AQP11: variants seen among roughly 807,000 people sequenced by gnomAD.
AQP11 encodes the protein aquaporin 11, also known as aquaporin-11.
In AQP11, 20 loss-of-function variants were observed where a neutral mutation model predicts 21.1. That is an observed-to-expected ratio of 0.95 (90% CI 0.67 to 1.38). AQP11 has a LOEUF of 1.38. Among genes scored for constraint, AQP11 ranks in the 40% most tolerant of loss-of-function variants. The probability of loss-of-function intolerance (pLI) is 0.00; values close to 1 mark genes in which losing one functional copy is unlikely to be tolerated. For synonymous variants in AQP11, 167 were observed against 150.1 expected, an observed-to-expected ratio of 1.11 and a Z score of -0.82; for missense variants, 339 against 340.4, an observed-to-expected ratio of 1.00 and a Z score of 0.03.
At chr11:77,592,162 G>C (rs1232953146) in intron 1 of AQP11, among the ~76,000 whole-genome samples, 1 of 152,102 alleles carries the variant, frequency 6.6e-6, no homozygotes, top group Non-Finnish European at 1.5e-5. Context: ...AACTACTTGG[G>C]AGGCTAAGGT....
intron 2 of AQP11, among the ~76,000 whole-genome samples, chr11:77,604,588 T>G (rs764430650): frequency 2.0e-5 from 3 of 152,166 alleles, no homozygotes; most frequent in Non-Finnish European, 4.4e-5. Context: ...TATTGTTCCT[T>G]GTTAGTCATT....
intron 1 of AQP11, among the ~76,000 whole-genome samples, chr11:77,596,702 A>G (rs1385565696): frequency 2.0e-5 from 3 of 151,242 alleles, no homozygotes; most frequent in South Asian, 2.1e-4. Flanking sequence ...CTACAAAAAA[A>G]TTTTAAAATT....
chr11:77,596,718 G>A (rs1958785759), intron 1 of AQP11, among the ~76,000 whole-genome samples: 1 of 151,122 alleles, frequency 6.6e-6, no homozygotes. Context: ...AAATTAGCCA[G>A]GTATGGTGGT....
chr11:77,600,212 A>G (rs558041316), intron 1 of AQP11, among the ~76,000 whole-genome samples: 26 of 149,286 alleles, frequency 1.7e-4, no homozygotes, highest in Non-Finnish European at 2.7e-4. Flanking sequence ...CAGGCGATAC[A>G]CCCACCTCGC....
intron 1 of AQP11, among the ~76,000 whole-genome samples, chr11:77,594,500 A>G (rs534844988): frequency 1.2e-4 from 18 of 152,356 alleles, no homozygotes; most frequent in Admixed American, 9.8e-4. Context: ...GCTATAAGTC[A>G]TAACTTTGGA....
chr11:77,590,583 T>G lies in AQP11; in HGVS notation c.591T>G (p.Ala197=). Residue 197 remains alanine, a synonymous_variant, in exon 1 of 3, where the codon GCT becomes GCG. Transcript: ENST00000313578. The stretch of plus-strand genomic sequence containing the variant: ...CCAAGCTTCGTATCCACCTGCTGGC[T>G]GCACTCATCACCTTTTTGGTCTATG... The part of the protein sequence containing the change: ...VRTKLRIHLL[A]ALITFLVYAG... 1 of 1,614,118 alleles carries G rather than the reference T, an allele frequency of 6.2e-7. No homozygotes were observed. Among genetic ancestry groups the G allele is most frequent in the Non-Finnish European group, 8.5e-7 (1 of 1,179,992 alleles).
In AQP11 at chr11:77,609,448, T is replaced by A. The variant is rs906420620; in HGVS notation, c.*71T>A. 1 of 1,241,744 alleles carries A rather than the reference T, an allele frequency of 8.1e-7. No homozygotes were observed. The highest frequency in any genetic ancestry group is 1.5e-5 in the African/African-American group (1 of 66,388). 76.9% of individuals were successfully genotyped at this position (1,241,744 alleles called of 1,614,324 possible). ...GTGATAAAGATTTTATCACCTCATA[T>A]GGAAAACACCGGCTGCACTGGATTC... On this transcript the variant is annotated 3_prime_UTR_variant, in exon 3 of 3. Transcript: ENST00000313578.
At chr11:77,595,587 G>A (rs918734167) in intron 1 of AQP11, among the ~76,000 whole-genome samples, 1 of 152,230 alleles carries the variant, frequency 6.6e-6, no homozygotes, top group East Asian at 1.9e-4. Flanking sequence ...ATAAGTGAAC[G>A]AACTAGCAAA....
chr11:77,600,740 C>T (rs962646332), intron 1 of AQP11, among the ~76,000 whole-genome samples: 7 of 152,160 alleles, frequency 4.6e-5, no homozygotes, highest in Non-Finnish European at 7.4e-5. Context: ...GGGCCGGGTG[C>T]GGTGGCTCAC....
In AQP11 at chr11:77,589,970, C is replaced by A; in HGVS notation, c.-23C>A. On this transcript the variant is annotated 5_prime_UTR_variant, in exon 1 of 3. Coordinates refer to ENST00000313578, the MANE Select transcript of AQP11 (RefSeq NM_173039.3). ...TCCTACCCAGAGCCGGAGCCCGCAA[C>A]CCGCTCAGGCGGCGACGGAGCCATG... 2.8e-6 allele frequency: 4 copies of A among 1,454,228 alleles called. No individual in the cohort carries two copies. Among genetic ancestry groups the A allele is most frequent in the Non-Finnish European group, 3.6e-6 (4 of 1,110,928 alleles). 90.1% of individuals were successfully genotyped at this position (1,454,228 alleles called of 1,614,324 possible).
intron 1 of AQP11, among the ~76,000 whole-genome samples, chr11:77,602,992 T>C (rs1389237787): frequency 6.6e-6 from 1 of 152,206 alleles, no homozygotes; most frequent in Non-Finnish European, 1.5e-5. Context: ...GGTGCAGAGC[T>C]GGAACACAAA....
chr11:77,591,153 T>G, intron 1 of AQP11: 1 of 959,238 alleles, frequency 1.0e-6, no homozygotes, highest in Non-Finnish European at 1.2e-6. Context: ...ATTTCTTATT[T>G]CCTTAATAAT....
At chr11:77,596,732 C>G (rs913027845) in intron 1 of AQP11, among the ~76,000 whole-genome samples, 1 of 151,034 alleles carries the variant, frequency 6.6e-6, no homozygotes, top group Non-Finnish European at 1.5e-5. Flanking sequence ...TGGTGGTGCA[C>G]GCCTGTAGTC....
rs1958827178 is a variant in AQP11 at position 77,603,549 on chromosome 11, G to T, written c.620-7G>T. ...TTTGAAATCACTCTGCTTAAAATCTGTTACAGGAGGAAGTCTAACAGGAGC... is the reference window on the plus strand; with the variant it reads ...TTTGAAATCACTCTGCTTAAAATCTTTTACAGGAGGAAGTCTAACAGGAGC... On this transcript the variant is annotated splice_polypyrimidine_tract_variant and splice_region_variant and intron_variant, in intron 1 of 2. Coordinates refer to ENST00000313578, the MANE Select transcript of AQP11 (RefSeq NM_173039.3). 1 of 1,563,528 alleles carries T rather than the reference G, an allele frequency of 6.4e-7. No individual in the cohort carries two copies. Among genetic ancestry groups the T allele is most frequent in the Non-Finnish European group, 8.7e-7 (1 of 1,153,742 alleles).
At chr11:77,607,016 A>T (rs941209187) in intron 2 of AQP11, among the ~76,000 whole-genome samples, 5 of 152,176 alleles carry the variant, frequency 3.3e-5, no homozygotes, top group African/African-American at 1.2e-4. Flanking sequence ...AACATAAAAT[A>T]TTTACTGTAG....
At chr11:77,598,016 G>T (rs1238059674) in intron 1 of AQP11, among the ~76,000 whole-genome samples, 2 of 152,206 alleles carry the variant, frequency 1.3e-5, no homozygotes, top group South Asian at 4.1e-4. Context: ...TGGGATTACA[G>T]GCGTGAGCCA....
chr11:77,606,931 A>T (rs944608735), intron 2 of AQP11, among the ~76,000 whole-genome samples: 2 of 152,132 alleles, frequency 1.3e-5, no homozygotes, highest in Non-Finnish European at 2.9e-5. Flanking sequence ...GATACTTTTT[A>T]TATTTAGCTT....
At chr11:77,600,707 T>G (rs1321614210) in intron 1 of AQP11, among the ~76,000 whole-genome samples, 1 of 152,204 alleles carries the variant, frequency 6.6e-6, no homozygotes, top group Non-Finnish European at 1.5e-5. Context: ...TCCTAGTTCT[T>G]TGCTACAATA....
chr11:77,594,762 T>C (rs1441179188), intron 1 of AQP11, among the ~76,000 whole-genome samples: 2 of 152,130 alleles, frequency 1.3e-5, no homozygotes, highest in African/African-American at 2.4e-5. Flanking sequence ...AGCCACAGGC[T>C]CCTAAGGATA....
Sources: allele counts gnomAD v4.1 joint callset (sites outside exome capture counted in the v4.1 genomes callset), GRCh38; gene constraint gnomAD v4.1.1; transcripts MANE v1.5; gene names NCBI Gene and HGNC (gene_info 2026-07-23, HGNC 2026-07-21).